Variants in WSCD2 observed in about 807,000 individuals in gnomAD.
WSCD2 encodes the protein WSC domain sialate O sulfotransferase 2, also known as sialate:O-sulfotransferase 2.
In WSCD2, 28 loss-of-function variants were observed where a neutral mutation model predicts 55.7. The ratio of observed to expected loss-of-function variants is 0.50; its 90% confidence interval spans 0.37 to 0.69. WSCD2 has a LOEUF of 0.69. WSCD2 is among the 30% of genes least tolerant of loss of function. The pLI is 0.00. For missense variants in WSCD2, 616 were observed against 762.1 expected, an observed-to-expected ratio of 0.81 and a Z score of 2.26; for synonymous variants, 301 against 301.9, an observed-to-expected ratio of 1.00 and a Z score of 0.03.
chr12:108,165,506 T>C (rs987234171), intron 1 of WSCD2, among the ~76,000 whole-genome samples: 8 of 152,210 alleles, frequency 5.3e-5, no homozygotes, highest in South Asian at 2.1e-4. Context: ...GCTAGGATTA[T>C]AGGCATGAGC....
At chr12:108,211,714 T>G (rs1282881995) in intron 4 of WSCD2, among the ~76,000 whole-genome samples, 4 of 150,236 alleles carry the variant, frequency 2.7e-5, no homozygotes, top group African/African-American at 9.8e-5. Context: ...AGTGCAATGG[T>G]GTGATCTTGG....
intron 1 of WSCD2, among the ~76,000 whole-genome samples, chr12:108,190,217 T>G (rs1316734038): frequency 6.6e-6 from 1 of 152,142 alleles, no homozygotes; most frequent in African/African-American, 2.4e-5. Flanking sequence ...ACCAGTGACT[T>G]CTGATATTTT....
chr12:108,132,649 A>G (rs2136849114), intron 1 of WSCD2, among the ~76,000 whole-genome samples: 1 of 152,350 alleles, frequency 6.6e-6, no homozygotes. Context: ...TGGGCTAAGC[A>G]GGTGTATGCC....
chr12:108,160,315 A>G (rs902743155), intron 1 of WSCD2, among the ~76,000 whole-genome samples: 4 of 152,202 alleles, frequency 2.6e-5, no homozygotes, highest in African/African-American at 9.7e-5. Flanking sequence ...AAGATAGTAT[A>G]TTGTATTGGT....
chr12:108,168,991 T>C (rs1592923175), intron 1 of WSCD2, among the ~76,000 whole-genome samples: 1 of 152,220 alleles, frequency 6.6e-6, no homozygotes, highest in East Asian at 1.9e-4. Flanking sequence ...CCACTCCTCA[T>C]TGCTCACATT....
intron 8 of WSCD2, among the ~76,000 whole-genome samples, chr12:108,242,167 A>AT (rs1279801873): frequency 3.2e-4 from 49 of 152,306 alleles, no homozygotes; most frequent in Admixed American, 2.7e-3. Flanking sequence ...TAACTCAGCA[A>AT]TTCACCCATA....
At chr12:108,227,237 G>A (rs1252354919) in intron 6 of WSCD2, 73 bp downstream of exon 6, 1 of 1,530,568 alleles carries the variant, frequency 6.5e-7, no homozygotes, top group African/African-American at 1.4e-5. Context: ...GTTCCTGCCA[G>A]TCCATCCCAC....
At chr12:108,135,608 C>G (rs1404391759) in intron 1 of WSCD2, among the ~76,000 whole-genome samples, 1 of 152,148 alleles carries the variant, frequency 6.6e-6, no homozygotes, top group Non-Finnish European at 1.5e-5. Flanking sequence ...CCTCCAGATC[C>G]CAGATAGGGT....
At chr12:108,146,938 A>T (rs1268414605) in intron 1 of WSCD2, among the ~76,000 whole-genome samples, 1 of 152,234 alleles carries the variant, frequency 6.6e-6, no homozygotes, top group East Asian at 1.9e-4. Flanking sequence ...TCATCCATAC[A>T]TACAAAACAT....
At chr12:108,149,818 A>T (rs1854579399) in intron 1 of WSCD2, 1 of 152,056 alleles carries the variant, frequency 6.6e-6, no homozygotes, top group Non-Finnish European at 1.5e-5. Flanking sequence ...ATTTTAACAA[A>T]CCCTTAGGTT....
At chr12:108,166,539 G>A (rs2136954189) in intron 1 of WSCD2, among the ~76,000 whole-genome samples, 1 of 152,224 alleles carries the variant, frequency 6.6e-6, no homozygotes, top group Admixed American at 6.5e-5. Context: ...CACACACTTT[G>A]TCATTGGCTC....
At chr12:108,236,735 T>G (rs138740761) in intron 7 of WSCD2, among the ~76,000 whole-genome samples, 28 of 152,280 alleles carry the variant, frequency 1.8e-4, no homozygotes, top group Non-Finnish European at 3.7e-4. Flanking sequence ...TCTCATTTTA[T>G]TTCTGTGTCT....
At chr12:108,167,098 C>T (rs1208021089) in intron 1 of WSCD2, among the ~76,000 whole-genome samples, 1 of 152,084 alleles carries the variant, frequency 6.6e-6, no homozygotes, top group Non-Finnish European at 1.5e-5. Context: ...AGGCATGAGC[C>T]ACAGTGGCCG....
chr12:108,223,474 G>T (rs1221519082), intron 4 of WSCD2, among the ~76,000 whole-genome samples: 1 of 152,100 alleles, frequency 6.6e-6, no homozygotes, highest in East Asian at 1.9e-4. Flanking sequence ...ACTTTCAGTA[G>T]AATTCCATTG....
intron 1 of WSCD2, among the ~76,000 whole-genome samples, chr12:108,171,416 A>T (rs1033201196): frequency 6.6e-6 from 1 of 152,256 alleles, no homozygotes; most frequent in African/African-American, 2.4e-5. Context: ...GCTATTGAAC[A>T]TTTGAAATAT....
intron 5 of WSCD2, among the ~76,000 whole-genome samples, chr12:108,226,432 C>G (rs1288304740): frequency 6.6e-6 from 1 of 152,104 alleles, no homozygotes; most frequent in Non-Finnish European, 1.5e-5. Flanking sequence ...GGTCTCATAT[C>G]ACCATCTCAT....
chr12:108,205,337 G>A (rs904391727), intron 2 of WSCD2, among the ~76,000 whole-genome samples: 7 of 152,082 alleles, frequency 4.6e-5, no homozygotes, highest in African/African-American at 9.7e-5. Context: ...TCATAGGATC[G>A]CTGTAAGGAT....
intron 4 of WSCD2, among the ~76,000 whole-genome samples, chr12:108,214,036 A>G (rs1374692750): frequency 3.9e-5 from 6 of 152,178 alleles, no homozygotes; most frequent in Non-Finnish European, 8.8e-5. Context: ...TGCTTTGTAC[A>G]CAAAGAAGTC....
At chr12:108,204,075 T>C (rs1209310728) in intron 2 of WSCD2, among the ~76,000 whole-genome samples, 1 of 152,262 alleles carries the variant, frequency 6.6e-6, no homozygotes, top group Non-Finnish European at 1.5e-5. Context: ...GAAGAGTCAC[T>C]ATGATCAGTT....
Sources: allele counts gnomAD v4.1 joint callset (sites outside exome capture counted in the v4.1 genomes callset), GRCh38; gene constraint gnomAD v4.1.1; transcripts MANE v1.5; gene names NCBI Gene and HGNC (gene_info 2026-07-23, HGNC 2026-07-21).